The following CCDC148 variants were observed in gnomAD, a reference collection of about 807,000 sequenced individuals.
CCDC148 encodes the protein coiled-coil domain containing 148.
CCDC148 carries 89 observed loss-of-function variants against 85.7 expected under a neutral mutation model. The observed-to-expected ratio is 1.04, with a 90% CI of 0.87 to 1.24. The LOEUF is 1.24. Ranked by LOEUF, CCDC148 falls within the 50% of genes most tolerant of loss-of-function variation. CCDC148 has a pLI of 0.00. For synonymous variants in CCDC148, 230 were observed against 213.9 expected (o/e 1.08, Z -0.66); for missense variants, 692 against 671.7 (o/e 1.03, Z -0.33).
intron 11 of CCDC148, among the ~76,000 whole-genome samples, chr2:158,195,315 G>A (rs1461806189): frequency 1.3e-5 from 2 of 151,742 alleles, no homozygotes; most frequent in African/African-American, 4.8e-5. Flanking sequence ...TCTTACATTT[G>A]ACAATTTCAC....
At chr2:158,242,187 A>AACG (rs1688377833) in intron 10 of CCDC148, among the ~76,000 whole-genome samples, 1 of 152,182 alleles carries the variant, frequency 6.6e-6, no homozygotes, top group East Asian at 1.9e-4. Flanking sequence ...AGAGAAAAAG[A>AACG]ACTGTATTCA....
At chr2:158,230,974 A>T (rs889027584) in intron 10 of CCDC148, among the ~76,000 whole-genome samples, 20 of 152,284 alleles carry the variant, frequency 1.3e-4, no homozygotes, top group Non-Finnish European at 2.6e-4. Context: ...TTGGGAGAAT[A>T]ACAAGCTTGG....
At chr2:158,293,806 T>C (rs76843490) in intron 9 of CCDC148, among the ~76,000 whole-genome samples, 7,850 of 152,258 alleles carry the variant, frequency 0.052, 435 homozygotes, top group African/African-American at 0.14. Context: ...TTATTCATAG[T>C]AATAATCTCT....
At chr2:158,373,083 A>C (rs925908997) in intron 1 of CCDC148, among the ~76,000 whole-genome samples, 1 of 152,072 alleles carries the variant, frequency 6.6e-6, no homozygotes, top group Non-Finnish European at 1.5e-5. Context: ...GGTGGGCCTA[A>C]TGTAATCAGA....
chr2:158,405,960 TG>T (rs1685981122), intron 1 of CCDC148, among the ~76,000 whole-genome samples: 1 of 152,196 alleles, frequency 6.6e-6, no homozygotes, highest in African/African-American at 2.4e-5. Context: ...TGATTATTTA[TG>T]AAAAGATTAA....
chr2:158,412,884 G>C (rs1277383024), intron 1 of CCDC148, among the ~76,000 whole-genome samples: 1 of 147,018 alleles, frequency 6.8e-6, no homozygotes, highest in African/African-American at 2.5e-5. Flanking sequence ...TAAGTTTTAG[G>C]GTACATGTGC....
At position 158,220,616 on chromosome 2, in the gene CCDC148, T is replaced by G; in HGVS notation, c.1349A>C (p.Gln450Pro). The G allele has an allele frequency of 1.2e-6, 2 of 1,604,862 alleles. No homozygotes were observed. Among genetic ancestry groups the G allele is most frequent in the Non-Finnish European group, 1.7e-6 (2 of 1,177,398 alleles). Residue 450 changes from glutamine (Q) to proline (P), a missense_variant, in exon 11 of 14, where the codon CAG (glutamine) becomes CCG (proline). Physicochemically the swap from Gln to Pro is moderately conservative, Grantham distance 76 (BLOSUM62 -1). Coordinates refer to ENST00000283233, the MANE Select transcript of CCDC148 (RefSeq NM_138803.4). ...TTACCTTTCTCTGTCTTTTAGTGAC[T>G]GTTCAGCGATTAATTTCTTCAGTTC... ...LEELKKLIAEQSLKDRERVKY... is the reference protein window; with the variant it reads ...LEELKKLIAEPSLKDRERVKY...
Position 158,345,308 on chromosome 2 carries a change from GC to G in CCDC148, c.157del (p.Ala53GlnfsTer3), listed in dbSNP as rs760035207. 1 of 1,611,124 alleles carries G rather than the reference GC, an allele frequency of 6.2e-7. No homozygotes were observed. Among genetic ancestry groups the G allele is most frequent in the African/African-American group, 1.3e-5 (1 of 74,842 alleles). On this transcript the variant is annotated frameshift_variant, in exon 3 of 14. Transcript: ENST00000283233. LOFTEE classifies it high-confidence loss of function. ...SASAKLKIRK[A>X]MLTSKLSKEQ... is the part of the protein sequence containing the mutation. ...TTTGGATAACTTTGAAGTCAACATT[GC>G]TTTTCTGATCTAGATTTAGAGGAAC...
chr2:158,345,420 CTT>C, intron 2 of CCDC148, 102 bp from the exon 3 acceptor site: 1 of 745,908 alleles, frequency 1.3e-6, no homozygotes, highest in South Asian at 2.1e-5. Context: ...AATAGTTTCT[CTT>C]TTAAAATTCT....
At chr2:158,335,517 C>A (rs574812781) in intron 7 of CCDC148, among the ~76,000 whole-genome samples, 1 of 152,140 alleles carries the variant, frequency 6.6e-6, no homozygotes, top group South Asian at 2.1e-4. Flanking sequence ...GCTGGGGAGG[C>A]CTCACACTCA....
intron 8 of CCDC148, 47 bp downstream of exon 8, chr2:158,313,709 A>C: frequency 6.4e-7 from 1 of 1,557,928 alleles, no homozygotes; most frequent in Non-Finnish European, 8.7e-7. Context: ...ATTATTGACT[A>C]CTAAAACAAT....
chr2:158,302,525 C>G (rs539899224), intron 9 of CCDC148, among the ~76,000 whole-genome samples: 1 of 152,164 alleles, frequency 6.6e-6, no homozygotes, highest in Non-Finnish European at 1.5e-5. Context: ...GTGGCTCACA[C>G]TGGTAATCCC....
At chr2:158,431,799 G>C (rs1024042643) in intron 1 of CCDC148, among the ~76,000 whole-genome samples, 2 of 152,122 alleles carry the variant, frequency 1.3e-5, no homozygotes, top group Non-Finnish European at 2.9e-5. Context: ...TTAGCTGGGT[G>C]TGATGGTGTG....
chr2:158,234,818 A>G (rs1688024014), intron 10 of CCDC148, among the ~76,000 whole-genome samples: 1 of 152,202 alleles, frequency 6.6e-6, no homozygotes, highest in South Asian at 2.1e-4. Context: ...AAGTTCTTGG[A>G]TATGTAGAAA....
chr2:158,198,640 G>A (rs1685796970), intron 11 of CCDC148, among the ~76,000 whole-genome samples: 1 of 152,122 alleles, frequency 6.6e-6, no homozygotes, highest in Non-Finnish European at 1.5e-5. Context: ...TATCTTCAGA[G>A]AATACTTGAA....
intron 2 of CCDC148, among the ~76,000 whole-genome samples, chr2:158,354,932 A>G (rs1471390031): frequency 2.0e-5 from 3 of 152,098 alleles, no homozygotes; most frequent in Non-Finnish European, 2.9e-5. Context: ...ATATACGCAA[A>G]TCAATAAATG....
intron 1 of CCDC148, among the ~76,000 whole-genome samples, chr2:158,376,561 A>T (rs1283890953): frequency 6.6e-6 from 1 of 152,128 alleles, no homozygotes; most frequent in African/African-American, 2.4e-5. Context: ...TGAATAAATA[A>T]GAGGTAAGAA....
In CCDC148 at chr2:158,353,358, C is replaced by A. The variant is rs1012369645; in HGVS notation, c.147+5091G>T. 3.3e-5 allele frequency among the ~76,000 whole-genome samples: 5 copies of A among 149,814 alleles called. No homozygotes were observed. In the East Asian group the frequency reaches 7.8e-4, roughly 23 times the overall value. On this transcript the variant is annotated intron_variant, in intron 2 of 13. Transcript: ENST00000283233. ...TCTCACGTGCAGACACACACATAGGCTGAAAATAAAAGGATGGAGGAAGAT... is the reference window on the plus strand; with the variant it reads ...TCTCACGTGCAGACACACACATAGGATGAAAATAAAAGGATGGAGGAAGAT...
intron 1 of CCDC148, among the ~76,000 whole-genome samples, chr2:158,411,409 T>G (rs1686252306): frequency 6.6e-6 from 1 of 152,034 alleles, no homozygotes; most frequent in African/African-American, 2.4e-5. Flanking sequence ...TCTGACTAAA[T>G]AGTTTCAAGT....
Sources: allele counts gnomAD v4.1 joint callset (sites outside exome capture counted in the v4.1 genomes callset), GRCh38; gene constraint gnomAD v4.1.1; transcripts MANE v1.5; gene names NCBI Gene and HGNC (gene_info 2026-07-23, HGNC 2026-07-21).